The following TRAPPC9 variants were observed in gnomAD, a reference collection of about 807,000 sequenced individuals.
The protein encoded by TRAPPC9 is IKK2 binding protein.
TRAPPC9 carries 83 observed loss-of-function variants against 124.0 expected under a neutral mutation model. That is an observed-to-expected ratio of 0.67 (90% CI 0.56 to 0.80). The LOEUF is 0.80. Ranked by LOEUF, TRAPPC9 falls within the 30% of genes least tolerant of loss-of-function variation. The pLI is 0.00. For synonymous variants in TRAPPC9, 638 were observed against 617.5 expected (o/e 1.03, Z -0.49); for missense variants, 1,302 against 1,508.3 (o/e 0.86, Z 2.27).
intron 21 of TRAPPC9, among the ~76,000 whole-genome samples, chr8:139,791,788 A>C (rs1156775532): frequency 6.6e-6 from 1 of 152,188 alleles, no homozygotes; most frequent in Non-Finnish European, 1.5e-5. Context: ...GGCACATTAG[A>C]ACCCCAGTTG....
At chr8:140,137,317 C>G (rs1263122381) in intron 17 of TRAPPC9, among the ~76,000 whole-genome samples, 1 of 152,080 alleles carries the variant, frequency 6.6e-6, no homozygotes. Flanking sequence ...CAGTGACCAC[C>G]TTGGCCCCAC....
In TRAPPC9 at chr8:140,287,661, T is replaced by C; in HGVS notation, c.1928A>G (p.Tyr643Cys). The stretch of plus-strand genomic sequence containing the variant: ...CGGGACCCCGACGAGCGTCACTGGG[T>C]ACAGACCAGATTCAGCCGGAAGAGA... ...ALSLPAESGL[Y>C]PVTLVGVPQT... is the part of the protein sequence containing the mutation. Residue 643 changes from tyrosine to cysteine, a missense_variant, in exon 13 of 23, where the codon TAC becomes TGC. Transcript: ENST00000438773. 2 of 1,614,042 alleles carry C rather than the reference T, an allele frequency of 1.2e-6. No homozygotes were observed. Among genetic ancestry groups the C allele is most frequent in the Non-Finnish European group, 1.7e-6 (2 of 1,180,004 alleles).
chr8:140,292,850 A>C (rs1164619954), intron 11 of TRAPPC9, among the ~76,000 whole-genome samples: 14 of 145,546 alleles, frequency 9.6e-5, no homozygotes, highest in East Asian at 3.9e-4. Context: ...GCAACAAAAG[A>C]CAAAATTGAC....
chr8:139,773,696 C>T (rs183732696), intron 21 of TRAPPC9, among the ~76,000 whole-genome samples: 3 of 152,298 alleles, frequency 2.0e-5, no homozygotes, highest in East Asian at 1.9e-4. Context: ...TCACTCCAGC[C>T]GGCAGCAAAA....
chr8:140,130,788 C>T (rs1025331777), intron 17 of TRAPPC9, among the ~76,000 whole-genome samples: 1 of 152,086 alleles, frequency 6.6e-6, no homozygotes, highest in African/African-American at 2.4e-5. Context: ...AACAGCTCAG[C>T]GGACTGAGGG....
chr8:140,128,975 ATATATATATATACAT>A (rs2061149254), intron 17 of TRAPPC9, among the ~76,000 whole-genome samples: 1 of 135,094 alleles, frequency 7.4e-6, no homozygotes, highest in Non-Finnish European at 1.6e-5. Flanking sequence ...ATAATAAAAT[ATATATATATATACAT>A]ATATATATAT....
chr8:139,799,932 C>T (rs1159970936), intron 21 of TRAPPC9, among the ~76,000 whole-genome samples: 5 of 152,200 alleles, frequency 3.3e-5, no homozygotes, highest in Admixed American at 6.5e-5. Flanking sequence ...AAACTAATCA[C>T]GAGAGGGAAG....
At chr8:140,249,262 T>C (rs2064067282) in intron 16 of TRAPPC9, among the ~76,000 whole-genome samples, 1 of 152,214 alleles carries the variant, frequency 6.6e-6, no homozygotes, top group Non-Finnish European at 1.5e-5. Context: ...CTCCCACTTA[T>C]ATGTGAGAAT....
intron 21 of TRAPPC9, among the ~76,000 whole-genome samples, chr8:139,753,551 T>A (rs1819505552): frequency 6.6e-6 from 1 of 152,272 alleles, no homozygotes; most frequent in South Asian, 2.1e-4. Flanking sequence ...GGCTGCTGAA[T>A]GCTCATCTAT....
intron 21 of TRAPPC9, among the ~76,000 whole-genome samples, chr8:139,734,675 C>T (rs186063597): frequency 6.6e-6 from 1 of 152,212 alleles, no homozygotes; most frequent in East Asian, 1.9e-4. Flanking sequence ...GGCTGCTGGC[C>T]CTTGCAGCCA....
intron 1 of TRAPPC9, among the ~76,000 whole-genome samples, chr8:140,453,906 G>C (rs1342814078): frequency 1.3e-5 from 2 of 152,206 alleles, no homozygotes; most frequent in Non-Finnish European, 2.9e-5. Flanking sequence ...GTAGGCACAG[G>C]TTTAACAGAA....
rs573437948 is a variant in TRAPPC9, at chr8:140,342,825, A to C, written c.1495+17225T>G. ...AATCATGTCATTCATTTTTGGCCAG[A>C]GTTCGTATTTTAGCTCTTTATGCTC... On this transcript the variant is annotated intron_variant, in intron 9 of 22. Transcript: ENST00000438773. Among the ~76,000 whole-genome samples, 12 of 152,358 alleles carry C rather than the reference A, an allele frequency of 7.9e-5. No individual in the cohort carries two copies. In the South Asian group the frequency reaches 2.5e-3, roughly 32 times the overall value.
intron 19 of TRAPPC9, among the ~76,000 whole-genome samples, chr8:139,987,947 T>A (rs1837352146): frequency 1.3e-5 from 2 of 152,166 alleles, no homozygotes; most frequent in Admixed American, 1.3e-4. Flanking sequence ...GGCCAGCAAT[T>A]GGTAGTGCGG....
At chr8:140,354,094 A>G (rs1306523755) in intron 9 of TRAPPC9, among the ~76,000 whole-genome samples, 1 of 152,388 alleles carries the variant, frequency 6.6e-6, no homozygotes, top group Admixed American at 6.5e-5. Flanking sequence ...TCAACAATTT[A>G]GTACGGCCAA....
intron 17 of TRAPPC9, among the ~76,000 whole-genome samples, chr8:140,140,592 A>T (rs1267531852): frequency 1.3e-5 from 2 of 152,180 alleles, no homozygotes. Flanking sequence ...TAGAGAGAAC[A>T]ATTGTATGCA....
At chr8:140,164,107 C>T (rs1398512054) in intron 17 of TRAPPC9, among the ~76,000 whole-genome samples, 2 of 152,152 alleles carry the variant, frequency 1.3e-5, no homozygotes, top group South Asian at 2.1e-4. Flanking sequence ...GCAAACACAG[C>T]GACCACCCCC....
At chr8:140,394,643 C>G (rs1483633368) in intron 7 of TRAPPC9, among the ~76,000 whole-genome samples, 1 of 151,332 alleles carries the variant, frequency 6.6e-6, no homozygotes, top group South Asian at 2.1e-4. Flanking sequence ...TTATGCAAGA[C>G]CTGTGACAGG....
intron 8 of TRAPPC9, among the ~76,000 whole-genome samples, chr8:140,361,536 T>G (rs2067954291): frequency 6.6e-6 from 1 of 152,232 alleles, no homozygotes; most frequent in South Asian, 2.1e-4. Flanking sequence ...TTCAGCAGTT[T>G]ATTTATCATA....
chr8:140,369,764 C>G (rs966601902), intron 8 of TRAPPC9, among the ~76,000 whole-genome samples: 1 of 152,058 alleles, frequency 6.6e-6, no homozygotes, highest in Non-Finnish European at 1.5e-5. Context: ...CCAGCCTGGC[C>G]AACATGGTGA....
Sources: gnomAD v4.1 joint callset for allele counts (sites outside exome capture counted in the v4.1 genomes callset) on GRCh38, gnomAD v4.1.1 for gene constraint, MANE v1.5 for transcripts, NCBI Gene and HGNC (gene_info 2026-07-23, HGNC 2026-07-21) for gene names.